Variants in TMEM74 observed in about 807,000 individuals in gnomAD.
The protein encoded by TMEM74 is transmembrane protein 74.
A neutral mutation model predicts 18.1 loss-of-function variants in TMEM74; 13 were observed. That is an observed-to-expected ratio of 0.72 (90% CI 0.47 to 1.14). TMEM74 has a LOEUF of 1.14. Among genes scored for constraint, TMEM74 ranks in the 50% most tolerant of loss-of-function variants. The pLI is 0.00. For missense variants in TMEM74, 372 were observed against 375.9 expected, an observed-to-expected ratio of 0.99 and a Z score of 0.09; for synonymous variants, 159 against 146.6, an observed-to-expected ratio of 1.08 and a Z score of -0.61.
chr8:108,701,432 G>C (rs888771102), intron 1 of TMEM74, among the ~76,000 whole-genome samples: 1 of 152,122 alleles, frequency 6.6e-6, no homozygotes, highest in Admixed American at 6.5e-5. Context: ...TTACAGATTG[G>C]GAAGGAAGAA....
At chr8:108,762,746 T>C (rs1205905186) in intron 1 of TMEM74, among the ~76,000 whole-genome samples, 1 of 152,108 alleles carries the variant, frequency 6.6e-6, no homozygotes, top group Non-Finnish European at 1.5e-5. Flanking sequence ...AGATCCAAAT[T>C]TAATAGAAGG....
intron 1 of TMEM74, among the ~76,000 whole-genome samples, chr8:108,756,364 T>C (rs983384640): frequency 6.6e-6 from 1 of 151,674 alleles, no homozygotes; most frequent in Non-Finnish European, 1.5e-5. Flanking sequence ...CCTTTCTAAC[T>C]TAAAAATAGA....
intron 1 of TMEM74, among the ~76,000 whole-genome samples, chr8:108,773,272 G>C (rs1488814815): frequency 6.6e-6 from 1 of 151,972 alleles, no homozygotes; most frequent in Non-Finnish European, 1.5e-5. Flanking sequence ...AAGGCTCAAA[G>C]TCAGCTCTGA....
chr8:108,607,825 A>G (rs1812291263), intron 3 of TMEM74: 1 of 152,228 alleles, frequency 6.6e-6, no homozygotes. Flanking sequence ...AACATGTATC[A>G]TGTTTAAAAT....
At chr8:108,774,246 T>C (rs1814204143), downstream of TMEM74, among the ~76,000 whole-genome samples, 1 of 152,200 alleles carries the variant, frequency 6.6e-6, no homozygotes, top group Admixed American at 6.5e-5. Flanking sequence ...CTGGACTACA[T>C]TTCCCAGCCT....
chr8:108,705,503 G>A (rs1813388325), intron 1 of TMEM74, among the ~76,000 whole-genome samples: 1 of 152,100 alleles, frequency 6.6e-6, no homozygotes, highest in African/African-American at 2.4e-5. Flanking sequence ...TTAGGAAAAG[G>A]CTCCCCTGTC....
intron 1 of TMEM74, among the ~76,000 whole-genome samples, chr8:108,748,079 A>T (rs1489438965): frequency 1.3e-5 from 2 of 152,158 alleles, no homozygotes; most frequent in Non-Finnish European, 2.9e-5. Flanking sequence ...GTATATAACC[A>T]GTAATGGGAT....
At position 108,783,038 on chromosome 8, in the gene TMEM74, T is replaced by C. The variant is rs999119203; in HGVS notation, c.*1143A>G. ...TGAATGACATCTAGACCACTGTGAG[T>C]GGGAGGTGAGTTCTGACGATGACTA... On this transcript the variant is annotated 3_prime_UTR_variant, in exon 2 of 2. Transcript: ENST00000297459. Among the ~76,000 whole-genome samples the C allele has an allele frequency of 6.6e-6, 1 of 152,166 alleles. No individual in the cohort carries two copies. Among genetic ancestry groups the C allele is most frequent in the African/African-American group, 2.4e-5 (1 of 41,454 alleles).
chr8:108,752,271 A>C (rs959108024), intron 1 of TMEM74, among the ~76,000 whole-genome samples: 2 of 152,038 alleles, frequency 1.3e-5, no homozygotes, highest in South Asian at 2.1e-4. Flanking sequence ...TGCTTTTCTC[A>C]TCTCTAAGAT....
intron 1 of TMEM74, among the ~76,000 whole-genome samples, chr8:108,685,464 T>C (rs1210578992): frequency 6.6e-6 from 1 of 152,176 alleles, no homozygotes; most frequent in Non-Finnish European, 1.5e-5. Flanking sequence ...GGCTAGGACT[T>C]CCTCAACACC....
intron 1 of TMEM74, among the ~76,000 whole-genome samples, chr8:108,733,166 G>A (rs971321403): frequency 1.3e-5 from 2 of 152,060 alleles, no homozygotes; most frequent in Non-Finnish European, 2.9e-5. Context: ...TTACCTAAGA[G>A]AATTTAAAAA....
At chr8:108,693,541 C>CTTG (rs1813250814) in intron 1 of TMEM74, among the ~76,000 whole-genome samples, 2 of 152,196 alleles carry the variant, frequency 1.3e-5, no homozygotes, top group African/African-American at 4.8e-5. Flanking sequence ...GAAACGTCAG[C>CTTG]TAATACATTC....
At chr8:108,771,964 G>T (rs1458542343) in intron 1 of TMEM74, among the ~76,000 whole-genome samples, 1 of 151,654 alleles carries the variant, frequency 6.6e-6, no homozygotes, top group African/African-American at 2.4e-5. Context: ...ATTAAATGTT[G>T]CTTTAAAAAA....
chr8:108,766,428 C>T (rs1286804797), intron 1 of TMEM74, among the ~76,000 whole-genome samples: 1 of 152,056 alleles, frequency 6.6e-6, no homozygotes, highest in African/African-American at 2.4e-5. Context: ...TGGTAAAATT[C>T]TGTAAGGGAT....
chr8:108,726,978 G>A (rs953610201), intron 1 of TMEM74, among the ~76,000 whole-genome samples: 6 of 152,216 alleles, frequency 3.9e-5, no homozygotes, highest in Admixed American at 1.3e-4. Flanking sequence ...TGAATGAAAA[G>A]GGAAGTGAAT....
At chr8:108,727,827 G>T (rs1190935826) in intron 1 of TMEM74, among the ~76,000 whole-genome samples, 1 of 152,154 alleles carries the variant, frequency 6.6e-6, no homozygotes, top group Non-Finnish European at 1.5e-5. Context: ...TGGGAAGAAG[G>T]TAATAGTCCA....
At chr8:108,687,729 G>T (rs949944336) in intron 1 of TMEM74, among the ~76,000 whole-genome samples, 1 of 151,860 alleles carries the variant, frequency 6.6e-6, no homozygotes, top group African/African-American at 2.4e-5. Context: ...TTCACAATAG[G>T]GTTTCATACT....
At position 108,784,010 on chromosome 8, in the gene TMEM74, G is replaced by T; in HGVS notation, c.*171C>A. 1 of 546,906 alleles carries T rather than the reference G, an allele frequency of 1.8e-6. No individual in the cohort carries two copies. Among genetic ancestry groups the T allele is most frequent in the Non-Finnish European group, 3.1e-6 (1 of 320,352 alleles). 33.9% of individuals were successfully genotyped at this position (546,906 alleles called of 1,614,324 possible). On this transcript the variant is annotated 3_prime_UTR_variant, in exon 2 of 2. Transcript: ENST00000297459. ...TGTGGTTTCTTATACATCTTACATG[G>T]CTTTTCTTCTAAATAGAAGACACAT...
At chr8:108,673,944 G>T (rs956617201) in intron 1 of TMEM74, among the ~76,000 whole-genome samples, 1 of 152,138 alleles carries the variant, frequency 6.6e-6, no homozygotes, top group Non-Finnish European at 1.5e-5. Flanking sequence ...GTTTATGAAT[G>T]GGTTCAAACA....
Sources: allele counts gnomAD v4.1 joint callset (sites outside exome capture counted in the v4.1 genomes callset), GRCh38; gene constraint gnomAD v4.1.1; transcripts MANE v1.5; gene names NCBI Gene and HGNC (gene_info 2026-07-23, HGNC 2026-07-21).